NBPF20: variants seen among roughly 807,000 people sequenced by gnomAD.
NBPF20 encodes NBPF member 20.
A neutral mutation model predicts 68.1 loss-of-function variants in NBPF20; 90 were observed. The observed-to-expected ratio is 1.32, with a 90% CI of 1.11 to 1.58. NBPF20 has a LOEUF of 1.58. Among genes scored for constraint, NBPF20 ranks in the 40% most tolerant of loss-of-function variants. The pLI is 0.00. For synonymous variants in NBPF20, 290 were observed against 228.1 expected, an observed-to-expected ratio of 1.27 and a Z score of -2.45; for missense variants, 816 against 601.2, an observed-to-expected ratio of 1.36 and a Z score of -3.74.
intron 7 of NBPF20, 140 bp downstream of exon 12, chr1:145,398,909 C>T (rs1662385196): frequency 1.6e-6 from 1 of 612,258 alleles, no homozygotes; most frequent in Non-Finnish European, 2.9e-6. Flanking sequence ...CTACAAATAA[C>T]ATACAACATT....
exon 138 of NBPF20, chr1:145,290,194 A>T (rs1435160069): frequency 1.3e-5 from 2 of 148,532 alleles, no homozygotes; most frequent in Non-Finnish European, 3.0e-5. Flanking sequence ...AGGGAGGATT[A>T]ATAAATGATA....
intron 7 of NBPF20, among the ~76,000 whole-genome samples, chr1:145,398,532 G>T (rs1317544747): frequency 6.6e-6 from 1 of 152,060 alleles, no homozygotes; most frequent in East Asian, 1.9e-4. Flanking sequence ...AAACCAATGA[G>T]AACAAAGACA....
exon 76 of NBPF20, chr1:145,340,916 T>C: frequency 6.6e-6 from 1 of 151,414 alleles, no homozygotes; most frequent in South Asian, 3.2e-5. Context: ...AGGCCCTTTC[T>C]CATCCAGCAG....
the NBPF20 span, among the ~76,000 whole-genome samples, chr1:145,422,104 A>G: frequency 2.0e-5 from 3 of 151,160 alleles, no homozygotes; most frequent in Admixed American, 2.0e-4. Flanking sequence ...TGTTTACATC[A>G]TATCACGTCG....
Position 145,395,082 on chromosome 1 carries a change from G to A in NBPF20, c.887C>T (p.Ser296Leu), listed in dbSNP as rs1268464771. ...CATTTCAGGAGGAATTGAGAGAGTC[G>A]AATAACCTTCATCCCAGGACTCCTG... is the stretch of plus-strand genomic sequence containing the variant. The change falls in exon 8 of 138, where the codon TCG becomes TTG. Residue 296 changes from serine (S) to leucine (L), a missense_variant. By Grantham distance (145) the Ser-to-Leu change is moderately radical (BLOSUM62 -2). Transcript: ENST00000369373. The A allele has an allele frequency of 1.4e-4, 232 of 1,609,558 alleles. 1 individual carries two copies. The highest frequency in any genetic ancestry group is 8.7e-4 in the South Asian group (79 of 90,882).
chr1:145,400,254 A>C (rs1279645869), intron 6 of NBPF20, 135 bp downstream of exon 11: 26 of 1,581,922 alleles, frequency 1.6e-5, no homozygotes, highest in Middle Eastern at 2.3e-4. Context: ...GAAGGACAAA[A>C]AAAGTCCCTG....
At chr1:145,393,458 AACACACAC>A (rs370259133) in intron 9 of NBPF20, among the ~76,000 whole-genome samples, 1,489 of 145,260 alleles carry the variant, frequency 0.01, 4 homozygotes, top group Non-Finnish European at 0.014. Flanking sequence ...CACACACACA[AACACACAC>A]ACACACACAC....
At chr1:145,402,411 A>C in intron 3 of NBPF20, 30 bp from the exon 9 acceptor site, 1 of 1,605,176 alleles carries the variant, frequency 6.2e-7, no homozygotes, top group Non-Finnish European at 8.5e-7. Flanking sequence ...AAAATTTAAG[A>C]GTGGAAAGGT....
chr1:145,396,653 C>A (rs1356631980), intron 7 of NBPF20, among the ~76,000 whole-genome samples: 29 of 151,388 alleles, frequency 1.9e-4, no homozygotes, highest in Admixed American at 1.6e-3. Context: ...CAGCAGATCT[C>A]TTGGCACAAA....
At chr1:145,291,756 G>T (rs374140805) in exon 138 of NBPF20, 1 of 1,611,884 alleles carries the variant, frequency 6.2e-7, no homozygotes, top group East Asian at 2.2e-5. Flanking sequence ...ACTTCCATCA[G>T]CACGCCGTTG....
Position 145,291,432 on chromosome 1 carries a change from G to A in NBPF20, c.*94C>T, listed in dbSNP as rs1301800108. The A allele has an allele frequency of 5.0e-6, 8 of 1,609,984 alleles. No individual in the cohort carries two copies. The African/African-American group carries it at 5.4e-5, about 11-fold the overall frequency. On this transcript the variant is annotated 3_prime_UTR_variant, in exon 138 of 138. Coordinates refer to ENST00000369373, the Ensembl canonical transcript of NBPF20. The stretch of plus-strand genomic sequence containing the variant: ...ATGCCCACTGACCCATCCTATGTCT[G>A]GGCTTCCAAATGGAACTGTACTTTC...
rs1286233690 is a variant in NBPF20, at chr1:145,393,575, T to A, written c.1043+309A>T. 7 of 646,882 alleles carry A rather than the reference T, an allele frequency of 1.1e-5. No homozygotes were observed. The African/African-American group carries it at 1.3e-4, about 12-fold the overall frequency. 40.1% of individuals were successfully genotyped at this position (646,882 alleles called of 1,614,324 possible). A position where few individuals can be genotyped will look rare whatever the true frequency, so the allele number is the denominator to read the frequency against. On this transcript the variant is annotated intron_variant, in intron 9 of 137. Transcript: ENST00000369373. ...GTATTTGTGCTCTCAGGACACACTG[T>A]GAACAGTGATCATGAAAAGCATGTC...
the NBPF20 span, among the ~76,000 whole-genome samples, chr1:145,417,699 G>C: frequency 1.1e-4 from 16 of 143,074 alleles, no homozygotes; most frequent in African/African-American, 2.9e-4. Context: ...AAGCATATGA[G>C]AAAGATGCTC....
chr1:145,311,821 C>T (rs1481258103), intron 112 of NBPF20, among the ~76,000 whole-genome samples: 1 of 100,084 alleles, frequency 1.0e-5, no homozygotes, highest in Non-Finnish European at 1.9e-5. Context: ...ACTATTCAGC[C>T]CTGTCTCATC....
intron 137 of NBPF20, 41 bp downstream of exon 142, chr1:145,292,340 T>A (rs1553658112): frequency 3.1e-6 from 2 of 655,402 alleles, no homozygotes; most frequent in South Asian, 3.5e-5. Context: ...TGCCTCCAGG[T>A]GTTAACACAG....
intron 3 of NBPF20, 123 bp downstream of exon 8, chr1:145,403,093 C>G (rs1443112257): frequency 1.0e-6 from 1 of 1,004,338 alleles, no homozygotes; most frequent in East Asian, 2.4e-5. Context: ...GTGTAGCGAG[C>G]CTGCCATGGC....
chr1:145,411,012 C>T, the NBPF20 span, among the ~76,000 whole-genome samples: 1 of 136,130 alleles, frequency 7.3e-6, no homozygotes, highest in African/African-American at 2.6e-5. Context: ...ATATATATTC[C>T]ATTTTTTTTT....
At chr1:145,290,259 CT>C (rs1169396122) in exon 138 of NBPF20, 1 of 149,150 alleles carries the variant, frequency 6.7e-6, no homozygotes, top group African/African-American at 2.6e-5. Flanking sequence ...TTGAAAACCG[CT>C]TTCCCAAGTA....
chr1:145,291,304 T>C lies in NBPF20; in HGVS notation c.*222A>G. 5 of 689,358 alleles carry C rather than the reference T, an allele frequency of 7.3e-6. No homozygotes were observed. In the South Asian group the frequency reaches 9.4e-5, roughly 13 times the overall value. 42.7% of individuals were successfully genotyped at this position (689,358 alleles called of 1,614,324 possible). ...AATGTCTGACTGATCACTCCCGGCA[T>C]GTGCTGCACAGTTATGTGAACGTGT... On this transcript the variant is annotated 3_prime_UTR_variant, in exon 138 of 138. Transcript: ENST00000369373.
Sources: allele counts gnomAD v4.1 joint callset (sites outside exome capture counted in the v4.1 genomes callset), GRCh38; gene constraint gnomAD v4.1.1; transcripts MANE v1.5; gene names NCBI Gene and HGNC (gene_info 2026-07-23, HGNC 2026-07-21).